GPHN: variants seen among roughly 807,000 people sequenced by gnomAD.
GPHN encodes the protein gephyrin.
Under a neutral mutation model 95.5 loss-of-function variants are expected in GPHN, and 17 were observed. The ratio of observed to expected loss-of-function variants is 0.18; its 90% CI spans 0.12 to 0.27. GPHN has a LOEUF of 0.27. GPHN is among the 10% of genes least tolerant of loss of function. GPHN has a pLI of 1.00. For missense variants in GPHN, 660 were observed against 978.1 expected, an observed-to-expected ratio of 0.67 and a Z score of 4.34; for synonymous variants, 320 against 322.5, an observed-to-expected ratio of 0.99 and a Z score of 0.08.
chr14:67,312,733 G>A, the GPHN span: 4 of 1,487,562 alleles, frequency 2.7e-6, no homozygotes, highest in Non-Finnish European at 2.7e-6. Flanking sequence ...ATGGTAGAAA[G>A]TACATAATAT....
At chr14:67,674,264 A>AGGACGCGGAGGGAGG in the GPHN span, 3 of 1,015,074 alleles carry the variant, frequency 3.0e-6, no homozygotes, top group Admixed American at 9.2e-5. Context: ...GGCGTGTCTG[A>AGGACGCGGAGGGAGG]GGACGCGGAG....
At chr14:67,480,834 G>T in the GPHN span, among the ~76,000 whole-genome samples, 2 of 152,154 alleles carry the variant, frequency 1.3e-5, no homozygotes, top group African/African-American at 2.4e-5. Context: ...TCTCTGGGAT[G>T]GCCCAGACCG....
intron 2 of GPHN, among the ~76,000 whole-genome samples, chr14:66,765,409 C>T (rs75233487): frequency 0.031 from 4,682 of 152,214 alleles, 115 homozygotes; most frequent in African/African-American, 0.068. Context: ...GACATGGAAT[C>T]ATTTAAATGC....
At chr14:67,630,376 C>T in the GPHN span, among the ~76,000 whole-genome samples, 1 of 152,184 alleles carries the variant, frequency 6.6e-6, no homozygotes, top group Non-Finnish European at 1.5e-5. Context: ...TCTGGTGCTA[C>T]TGGCAAGGCC....
At chr14:67,207,480 T>G in the GPHN span, among the ~76,000 whole-genome samples, 1 of 151,692 alleles carries the variant, frequency 6.6e-6, no homozygotes, top group South Asian at 2.1e-4. Flanking sequence ...CACCTCCCAC[T>G]AGGCCCACTT....
At chr14:67,347,034 T>C in the GPHN span, among the ~76,000 whole-genome samples, 3 of 152,220 alleles carry the variant, frequency 2.0e-5, no homozygotes, top group Non-Finnish European at 4.4e-5. Context: ...TAGCCCAGGC[T>C]GGAGTGCAGT....
chr14:67,428,609 GT>G, the GPHN span, among the ~76,000 whole-genome samples: 1 of 152,218 alleles, frequency 6.6e-6, no homozygotes, highest in Non-Finnish European at 1.5e-5. Context: ...CATCGGCCAG[GT>G]TTCTCACCAG....
the GPHN span, among the ~76,000 whole-genome samples, chr14:67,679,982 C>T: frequency 1.3e-5 from 2 of 152,182 alleles, no homozygotes; most frequent in Admixed American, 6.5e-5. Flanking sequence ...AAACTCTTAA[C>T]ACTATGTCAA....
At chr14:67,629,311 G>A in the GPHN span, among the ~76,000 whole-genome samples, 1 of 152,156 alleles carries the variant, frequency 6.6e-6, no homozygotes, top group Non-Finnish European at 1.5e-5. Context: ...ATTCCAGTCT[G>A]GCAGCATGGA....
At chr14:67,381,663 T>C in the GPHN span, 1 of 1,613,502 alleles carries the variant, frequency 6.2e-7, no homozygotes, top group Middle Eastern at 1.7e-4. Context: ...CAGGTTTGAA[T>C]TGTTCTACAG....
chr14:66,552,795 C>T (rs1247639366), intron 1 of GPHN, among the ~76,000 whole-genome samples: 1 of 152,082 alleles, frequency 6.6e-6, no homozygotes, highest in Non-Finnish European at 1.5e-5. Flanking sequence ...ATTCTTATTT[C>T]TCCCATACAT....
chr14:66,935,488 T>G (rs548346620), intron 8 of GPHN, among the ~76,000 whole-genome samples: 1 of 116,050 alleles, frequency 8.6e-6, no homozygotes, highest in East Asian at 2.5e-4. Flanking sequence ...TGTATATATA[T>G]GTATATGTGT....
chr14:67,175,417 GT>G (rs1156460580), intron 21 of GPHN, among the ~76,000 whole-genome samples: 1 of 152,112 alleles, frequency 6.6e-6, no homozygotes, highest in Non-Finnish European at 1.5e-5. Context: ...TGAGGCCTCT[GT>G]TTTGTTCCAT....
chr14:66,825,519 C>T (rs957900894), intron 4 of GPHN, among the ~76,000 whole-genome samples: 4 of 152,068 alleles, frequency 2.6e-5, no homozygotes, highest in Admixed American at 6.5e-5. Flanking sequence ...CTTGACCCCC[C>T]ACCCCTAGAG....
the GPHN span, chr14:67,199,580 G>T: frequency 3.2e-5 from 51 of 1,594,504 alleles, no homozygotes; most frequent in Middle Eastern, 5.0e-4. Context: ...CCCTATCACC[G>T]TATCTTATGC....
intron 18 of GPHN, among the ~76,000 whole-genome samples, chr14:67,147,910 A>C (rs1328506629): frequency 6.6e-6 from 1 of 152,148 alleles, no homozygotes; most frequent in Non-Finnish European, 1.5e-5. Context: ...TATTCCCAGC[A>C]TTTCTTTTTA....
the GPHN span, among the ~76,000 whole-genome samples, chr14:67,547,359 A>G: frequency 6.6e-6 from 1 of 152,204 alleles, no homozygotes; most frequent in African/African-American, 2.4e-5. Flanking sequence ...GTCCTCTGCA[A>G]TCATCCCTAA....
chr14:66,699,739 TAGAG>T (rs897302745), intron 2 of GPHN, among the ~76,000 whole-genome samples: 39 of 152,264 alleles, frequency 2.6e-4, no homozygotes, highest in African/African-American at 9.4e-4. Flanking sequence ...ATGATGGAAT[TAGAG>T]AGAGAAAGGC....
the GPHN span, among the ~76,000 whole-genome samples, chr14:67,254,760 C>G: frequency 2.0e-5 from 3 of 152,144 alleles, no homozygotes; most frequent in Non-Finnish European, 4.4e-5. Context: ...ATTTGCATAC[C>G]AATAAGCGAT....
Sources: allele counts gnomAD v4.1 joint callset (sites outside exome capture counted in the v4.1 genomes callset), GRCh38; gene constraint gnomAD v4.1.1; transcripts MANE v1.5; gene names NCBI Gene and HGNC (gene_info 2026-07-23, HGNC 2026-07-21).